The following PIGL variants were observed in gnomAD, a reference collection of about 807,000 sequenced individuals.
PIGL encodes N-acetylglucosaminyl-phosphatidylinositol de-N-acetylase.
A neutral mutation model predicts 31.1 loss-of-function variants in PIGL; 22 were observed. The ratio of observed to expected loss-of-function variants is 0.71; its 90% CI spans 0.51 to 1.01. The LOEUF (loss-of-function observed/expected upper bound fraction) is 1.01, where lower values mean the gene tolerates loss of function less well. Ranked by LOEUF, PIGL falls within the 50% of genes least tolerant of loss-of-function variation. PIGL has a pLI of 0.00. For missense variants in PIGL, 302 were observed against 315.9 expected (o/e 0.96, Z 0.33); for synonymous variants, 131 against 117.4 (o/e 1.12, Z -0.75).
At chr17:16,276,943 T>C (rs917072419) in intron 2 of PIGL, among the ~76,000 whole-genome samples, 4 of 152,226 alleles carry the variant, frequency 2.6e-5, no homozygotes, top group Non-Finnish European at 5.9e-5. Context: ...TCAGCTTTGA[T>C]GGAATTTTGT....
At chr17:16,217,630 C>A in intron 1 of PIGL, 169 bp downstream of exon 1, 4 of 540,652 alleles carry the variant, frequency 7.4e-6, no homozygotes, top group South Asian at 5.9e-5. Context: ...GGCCGGCTTA[C>A]CTGGTGGGTT....
intron 2 of PIGL, among the ~76,000 whole-genome samples, chr17:16,262,203 A>G (rs2092822014): frequency 6.6e-6 from 1 of 152,198 alleles, no homozygotes; most frequent in Non-Finnish European, 1.5e-5. Flanking sequence ...AGTCTGGGCA[A>G]CAGAGTGACA....
chr17:16,267,972 A>G (rs2092852265), intron 2 of PIGL, among the ~76,000 whole-genome samples: 1 of 152,192 alleles, frequency 6.6e-6, no homozygotes, highest in Non-Finnish European at 1.5e-5. Context: ...TAGACTGGTA[A>G]GCAGAACAGA....
intron 2 of PIGL, among the ~76,000 whole-genome samples, chr17:16,240,236 T>C (rs76974538): frequency 6.6e-6 from 1 of 152,124 alleles, no homozygotes; most frequent in Non-Finnish European, 1.5e-5. Flanking sequence ...TCTGCCATGA[T>C]TGGAAGCTTC....
Position 16,248,108 on chromosome 17 carries a change from G to T in PIGL, c.335+14038G>T, listed in dbSNP as rs537291874. On this transcript the variant is annotated intron_variant, in intron 2 of 6. Coordinates refer to ENST00000225609, the MANE Select transcript of PIGL (RefSeq NM_004278.4). ...TCAGCATGTTGGTCAGGCTGGTCCT[G>T]AACTCCTGACCTCGTGATCCACCAG... Among the ~76,000 whole-genome samples the T allele has an allele frequency of 2.3e-4, 35 of 152,194 alleles. 1 individual carries two copies. Among genetic ancestry groups the T allele is most frequent in the African/African-American group, 7.0e-4 (29 of 41,548 alleles).
At chr17:16,223,692 C>G (rs536528620) in intron 1 of PIGL, among the ~76,000 whole-genome samples, 1 of 147,524 alleles carries the variant, frequency 6.8e-6, no homozygotes, top group South Asian at 2.2e-4. Flanking sequence ...CCAACCTGGT[C>G]AACATAGTGA....
intron 2 of PIGL, among the ~76,000 whole-genome samples, chr17:16,294,893 G>T (rs2092974996): frequency 6.6e-6 from 1 of 152,130 alleles, no homozygotes; most frequent in African/African-American, 2.4e-5. Context: ...CCATGGCTCT[G>T]CTGTCCCCTA....
chr17:16,325,350 AAAAAAAG>A (rs1345483957), intron 6 of PIGL, among the ~76,000 whole-genome samples: 1,848 of 151,310 alleles, frequency 0.012, 28 homozygotes, highest in African/African-American at 0.042. Flanking sequence ...AAAAAAAAAA[AAAAAAAG>A]AATGTGGACT....
Position 16,316,786 on chromosome 17 carries a change from A to G in PIGL, c.526+74A>G, listed in dbSNP as rs772554074. 43 of 1,595,844 alleles carry G rather than the reference A, an allele frequency of 2.7e-5. No individual in the cohort carries two copies. The African/African-American group carries it at 5.5e-4, about 20-fold the overall frequency. ...GAAACTTATGAGGGGGAAATTTGCAAATCCACAGAGAGCTGCCCTCAGCCG... is the reference window on the plus strand; with the variant it reads ...GAAACTTATGAGGGGGAAATTTGCAGATCCACAGAGAGCTGCCCTCAGCCG... On this transcript the variant is annotated intron_variant, in intron 5 of 6. Coordinates refer to ENST00000225609, the MANE Select transcript of PIGL (RefSeq NM_004278.4).
rs992133505 is a variant in PIGL at position 16,325,238 on chromosome 17, G to C, written c.661-562G>C. Among the ~76,000 whole-genome samples the C allele has an allele frequency of 1.3e-5, 2 of 150,518 alleles. 1 individual carries two copies. The highest frequency in any genetic ancestry group is 4.2e-4 in the South Asian group (2 of 4,762). On this transcript the variant is annotated intron_variant, in intron 6 of 6. Transcript: ENST00000225609. The stretch of plus-strand genomic sequence containing the variant: ...CAGGTGCCTGTAGTCCCAGCTACTC[G>C]GAAGGCTGAAGCAGGAGAATGGCGT...
chr17:16,270,381 T>A lies in PIGL; in HGVS notation c.336-29507T>A, dbSNP rs143649911. On this transcript the variant is annotated intron_variant, in intron 2 of 6. Coordinates refer to ENST00000225609, the MANE Select transcript of PIGL (RefSeq NM_004278.4). The stretch of plus-strand genomic sequence containing the variant: ...TATTTAGTTCATTGTCCTGCCCGTG[T>A]TCTAATTTTGCAGTTTTCCTAGACT... Among the ~76,000 whole-genome samples the A allele has an allele frequency of 2.7e-3, 410 of 152,158 alleles. 2 individuals are homozygous for A. Among genetic ancestry groups the A allele is most frequent in the African/African-American group, 9.4e-3 (389 of 41,534 alleles).
chr17:16,258,218 C>T (rs1456244265), intron 2 of PIGL, among the ~76,000 whole-genome samples: 4 of 137,210 alleles, frequency 2.9e-5, no homozygotes, highest in Admixed American at 7.7e-5. Flanking sequence ...CTTGCTCTGT[C>T]GCCCAGGCTG....
At chr17:16,228,551 G>C (rs1368562114) in intron 1 of PIGL, among the ~76,000 whole-genome samples, 1 of 151,936 alleles carries the variant, frequency 6.6e-6, no homozygotes, top group Non-Finnish European at 1.5e-5. Flanking sequence ...ACCACGCCCG[G>C]CTAATTTTTT....
chr17:16,234,965 C>G lies in PIGL; in HGVS notation c.335+895C>G, dbSNP rs188225499. Among the ~76,000 whole-genome samples the G allele has an allele frequency of 5.3e-4, 80 of 152,218 alleles. 1 individual carries two copies. Among genetic ancestry groups the G allele is most frequent in the Admixed American group, 9.8e-4 (15 of 15,274 alleles). On this transcript the variant is annotated intron_variant, in intron 2 of 6. Coordinates refer to ENST00000225609, the MANE Select transcript of PIGL (RefSeq NM_004278.4). ...TCATAAACCCCCATTTGCCTATTAC[C>G]TAAACCCACTGATTATCGAGACTTT...
At chr17:16,302,848 C>T (rs1382105677) in intron 3 of PIGL, among the ~76,000 whole-genome samples, 2 of 152,128 alleles carry the variant, frequency 1.3e-5, no homozygotes, top group East Asian at 1.9e-4. Context: ...CCGCCTTCCC[C>T]GGACTTCCAA....
chr17:16,265,725 A>G (rs963716269), intron 2 of PIGL, among the ~76,000 whole-genome samples: 3 of 151,390 alleles, frequency 2.0e-5, no homozygotes, highest in Non-Finnish European at 4.4e-5. Context: ...TGGGCAACAG[A>G]GCGAGACTCC....
At chr17:16,283,467 CA>C (rs113443431) in intron 2 of PIGL, among the ~76,000 whole-genome samples, 47 of 145,492 alleles carry the variant, frequency 3.2e-4, no homozygotes, top group Middle Eastern at 3.5e-3. Context: ...GACCCTATTT[CA>C]AAAAAAAAAA....
chr17:16,303,268 C>T (rs2093012415), intron 3 of PIGL, among the ~76,000 whole-genome samples: 1 of 152,172 alleles, frequency 6.6e-6, no homozygotes, highest in South Asian at 2.1e-4. Context: ...GTGCAGACCA[C>T]GTCTTGCAAA....
At chr17:16,257,787 G>A (rs886656958) in intron 2 of PIGL, among the ~76,000 whole-genome samples, 3 of 151,452 alleles carry the variant, frequency 2.0e-5, no homozygotes, top group Non-Finnish European at 4.4e-5. Flanking sequence ...TATTTCCACC[G>A]GGCACGGTGG....
Sources: allele counts gnomAD v4.1 joint callset (sites outside exome capture counted in the v4.1 genomes callset), GRCh38; gene constraint gnomAD v4.1.1; transcripts MANE v1.5; gene names NCBI Gene and HGNC (gene_info 2026-07-23, HGNC 2026-07-21).